The following ADAMTS6 variants were observed in gnomAD, a reference collection of about 807,000 sequenced individuals.
ADAMTS6 encodes ADAM metallopeptidase with thrombospondin type 1 motif 6.
In ADAMTS6, 23 loss-of-function variants were observed where a neutral mutation model predicts 144.3. The ratio of observed to expected loss-of-function variants is 0.16; its 90% confidence interval spans 0.11 to 0.23. ADAMTS6 has a LOEUF of 0.23. Ranked by LOEUF, ADAMTS6 falls within the 10% of genes least tolerant of loss-of-function variation. The pLI is 1.00. For missense variants in ADAMTS6, 999 were observed against 1,379.6 expected, an observed-to-expected ratio of 0.72 and a Z score of 4.37; for synonymous variants, 444 against 457.5, an observed-to-expected ratio of 0.97 and a Z score of 0.38.
At position 65,346,017 on chromosome 5, in the gene ADAMTS6, A is replaced by T. The variant is rs116573389; in HGVS notation, c.1074-11932T>A. Among the ~76,000 whole-genome samples, 964 of 152,014 alleles carry T rather than the reference A, an allele frequency of 6.3e-3. 13 individuals carry two copies. Among genetic ancestry groups the T allele is most frequent in the African/African-American group, 0.022 (914 of 41,558 alleles). On this transcript the variant is annotated intron_variant, in intron 7 of 24. Transcript: ENST00000381055. ...CAAAACCCCTAATAATCTAGCTTAA[A>T]TTTACCTTTATGAAATCTTCTGCTG...
intron 3 of ADAMTS6, among the ~76,000 whole-genome samples, chr5:65,466,814 G>A (rs1269322803): frequency 1.3e-5 from 2 of 152,154 alleles, no homozygotes; most frequent in African/African-American, 2.4e-5. Flanking sequence ...AGGCCGAGGT[G>A]GGCGGATCAC....
At chr5:65,386,599 T>C (rs1580565502) in intron 7 of ADAMTS6, among the ~76,000 whole-genome samples, 1 of 152,162 alleles carries the variant, frequency 6.6e-6, no homozygotes, top group Admixed American at 6.6e-5. Flanking sequence ...GTTGGTTGGT[T>C]GTTTTTGAGA....
chr5:65,328,480 T>C (rs1282588003), intron 9 of ADAMTS6, among the ~76,000 whole-genome samples: 2 of 152,062 alleles, frequency 1.3e-5, no homozygotes, highest in African/African-American at 4.8e-5. Flanking sequence ...TTAGCAGATA[T>C]AATTAGTCAT....
At chr5:65,401,642 A>G (rs1753923425) in intron 7 of ADAMTS6, among the ~76,000 whole-genome samples, 1 of 152,188 alleles carries the variant, frequency 6.6e-6, no homozygotes, top group Non-Finnish European at 1.5e-5. Flanking sequence ...AGGTTTTCCT[A>G]TCCCAGCACT....
chr5:65,417,351 T>C (rs2150192826), intron 7 of ADAMTS6, among the ~76,000 whole-genome samples: 1 of 152,206 alleles, frequency 6.6e-6, no homozygotes, highest in African/African-American at 2.4e-5. Context: ...CCATTCCTAT[T>C]CAACATAGTA....
chr5:65,460,067 A>T, intron 4 of ADAMTS6, 103 bp downstream of exon 4: 5 of 1,297,286 alleles, frequency 3.9e-6, no homozygotes, highest in Non-Finnish European at 5.1e-6. Flanking sequence ...ATTGTAGTCA[A>T]ACTCCTACTT....
intron 11 of ADAMTS6, among the ~76,000 whole-genome samples, chr5:65,287,014 T>C (rs767238020): frequency 3.3e-5 from 5 of 152,192 alleles, no homozygotes; most frequent in African/African-American, 1.2e-4. Flanking sequence ...TTGGACATAC[T>C]GATACTGCTG....
intron 24 of ADAMTS6, among the ~76,000 whole-genome samples, chr5:65,159,372 T>C (rs1752617458): frequency 6.6e-6 from 1 of 152,200 alleles, no homozygotes. Context: ...CCTAGCTTCC[T>C]TCCACTACAT....
At chr5:65,241,643 T>C (rs1461313734) in intron 15 of ADAMTS6, among the ~76,000 whole-genome samples, 1 of 152,186 alleles carries the variant, frequency 6.6e-6, no homozygotes, top group East Asian at 1.9e-4. Context: ...AAAAATGTTT[T>C]CTAACTCTGA....
At chr5:65,185,041 C>T (rs1447411333) in intron 22 of ADAMTS6, among the ~76,000 whole-genome samples, 3 of 151,926 alleles carry the variant, frequency 2.0e-5, no homozygotes, top group African/African-American at 7.3e-5. Flanking sequence ...ATGGGTGTGT[C>T]AAAAAAATTG....
chr5:65,450,757 C>G (rs1236283219), intron 7 of ADAMTS6, among the ~76,000 whole-genome samples: 2 of 152,066 alleles, frequency 1.3e-5, no homozygotes, highest in Admixed American at 1.3e-4. Flanking sequence ...GCTAAGTAAT[C>G]TTGAGAAACT....
intron 8 of ADAMTS6, among the ~76,000 whole-genome samples, chr5:65,332,089 T>C (rs1221450393): frequency 6.6e-6 from 1 of 151,668 alleles, no homozygotes; most frequent in African/African-American, 2.4e-5. Flanking sequence ...ACAATCAAAG[T>C]ACTAGGCAGT....
chr5:65,158,548 G>T (rs1166421756), intron 24 of ADAMTS6, among the ~76,000 whole-genome samples: 1 of 151,514 alleles, frequency 6.6e-6, no homozygotes, highest in Non-Finnish European at 1.5e-5. Context: ...CATGAAAGAT[G>T]AATAAAATGG....
chr5:65,389,073 G>A (rs1752702041), intron 7 of ADAMTS6, among the ~76,000 whole-genome samples: 1 of 152,258 alleles, frequency 6.6e-6, no homozygotes, highest in East Asian at 1.9e-4. Flanking sequence ...GCGTGGTGGC[G>A]GACGCCTGTA....
intron 15 of ADAMTS6, among the ~76,000 whole-genome samples, chr5:65,231,847 C>A (rs934024154): frequency 6.6e-6 from 1 of 152,082 alleles, no homozygotes; most frequent in African/African-American, 2.4e-5. Flanking sequence ...CAGTGGCTCA[C>A]ACCTGTAATC....
At chr5:65,176,977 C>A (rs1358394146) in intron 22 of ADAMTS6, among the ~76,000 whole-genome samples, 1 of 152,210 alleles carries the variant, frequency 6.6e-6, no homozygotes, top group African/African-American at 2.4e-5. Flanking sequence ...CTTGGTTTAT[C>A]TTCCACTTTC....
chr5:65,312,280 G>GA lies in ADAMTS6; in HGVS notation c.1224-12150dup, dbSNP rs1326288098. On this transcript the variant is annotated intron_variant, in intron 9 of 24. Transcript: ENST00000381055. ...CATTGGAGCAAAAAAAGAAAGAAAA[G>GA]AAAAAAAACCAAGGGAATAAAAGGA... Among the ~76,000 whole-genome samples, 32 of 151,314 alleles carry GA rather than the reference G, an allele frequency of 2.1e-4. No homozygotes were observed. The South Asian group carries it at 5.7e-3, about 27-fold the overall frequency.
At chr5:65,316,213 A>G (rs1337191883) in intron 9 of ADAMTS6, among the ~76,000 whole-genome samples, 2 of 152,094 alleles carry the variant, frequency 1.3e-5, no homozygotes, top group African/African-American at 4.8e-5. Flanking sequence ...CGCCCAGCCT[A>G]TAGTTAGAAA....
At chr5:65,450,668 T>C (rs1758668047) in intron 7 of ADAMTS6, among the ~76,000 whole-genome samples, 1 of 152,036 alleles carries the variant, frequency 6.6e-6, no homozygotes, top group African/African-American at 2.4e-5. Flanking sequence ...TAAGTAAGAG[T>C]ATTAAAAACT....
Sources: gnomAD v4.1 joint callset for allele counts (sites outside exome capture counted in the v4.1 genomes callset) on GRCh38, gnomAD v4.1.1 for gene constraint, MANE v1.5 for transcripts, NCBI Gene and HGNC (gene_info 2026-07-23, HGNC 2026-07-21) for gene names.